SIAH3: variants seen among roughly 807,000 people sequenced by gnomAD.
SIAH3 encodes seven in absentia homolog 3.
A neutral mutation model predicts 12.6 loss-of-function variants in SIAH3; 9 were observed. The observed-to-expected ratio is 0.72, with a 90% CI of 0.43 to 1.25. The LOEUF is 1.25. Ranked by LOEUF, SIAH3 falls within the 50% of genes most tolerant of loss-of-function variation. The pLI is 0.00. For synonymous variants in SIAH3, 154 were observed against 151.1 expected, an observed-to-expected ratio of 1.02 and a Z score of -0.14; for missense variants, 390 against 365.4, an observed-to-expected ratio of 1.07 and a Z score of -0.55.
At chr13:45,825,149 A>C (rs909817676) in intron 1 of SIAH3, among the ~76,000 whole-genome samples, 1 of 152,070 alleles carries the variant, frequency 6.6e-6, no homozygotes, top group African/African-American at 2.4e-5. Flanking sequence ...ATATAATTGC[A>C]CCTCACACTT....
rs573184196 is a variant in SIAH3 at position 45,839,684 on chromosome 13, T to C, written c.135+11811A>G. On this transcript the variant is annotated intron_variant, in intron 1 of 1. Coordinates refer to ENST00000400405, the MANE Select transcript of SIAH3 (RefSeq NM_198849.3). ...CATCTCTACTAAAAATACAAAAAAT[T>C]AGCCGGGCGTGGTGGTACCTGCCTG... 9.2e-5 allele frequency among the ~76,000 whole-genome samples: 14 copies of C among 151,582 alleles called. No homozygotes were observed. The South Asian group carries it at 2.9e-3, about 32-fold the overall frequency.
At chr13:45,796,405 T>C (rs1950562845) in intron 1 of SIAH3, among the ~76,000 whole-genome samples, 2 of 152,140 alleles carry the variant, frequency 1.3e-5, no homozygotes, top group Admixed American at 1.3e-4. Context: ...ATTTGGCCTG[T>C]CTGTAGGTCT....
chr13:45,785,198 C>T (rs58369233), intron 1 of SIAH3, among the ~76,000 whole-genome samples: 2,227 of 152,222 alleles, frequency 0.015, 59 homozygotes, highest in African/African-American at 0.05. Context: ...CCTTCTTTTC[C>T]GTAATTAGCC....
At chr13:45,791,589 G>A (rs1343669485) in intron 1 of SIAH3, among the ~76,000 whole-genome samples, 1 of 152,128 alleles carries the variant, frequency 6.6e-6, no homozygotes, top group Non-Finnish European at 1.5e-5. Context: ...CAACAGTGAT[G>A]GAACACAGAA....
rs774095126 is a variant in SIAH3 at position 45,783,960 on chromosome 13, T to A, written c.233A>T (p.His78Leu). The A allele has an allele frequency of 1.2e-5, 19 of 1,603,544 alleles. No homozygotes were observed. The African/African-American group carries it at 1.9e-4, about 16-fold the overall frequency. ...LSHHHCHHRH[H>L]HHLRHHAHPH... ...GTGGGCGTGGTGGCGGAGGTGGTGG[T>A]GGTGGCGGTGGTGGCAGTGGTGGTG... is the stretch of plus-strand genomic sequence containing the variant. The change falls in exon 2 of 2, where the codon CAC (histidine) becomes CTC (leucine). Residue 78 changes from histidine to leucine, a missense_variant. His to Leu is a moderately conservative substitution (Grantham distance 99, BLOSUM62 -3). Transcript: ENST00000400405.
intron 1 of SIAH3, among the ~76,000 whole-genome samples, chr13:45,802,888 A>G (rs1379732663): frequency 3.9e-5 from 6 of 152,084 alleles, no homozygotes; most frequent in Non-Finnish European, 7.4e-5. Flanking sequence ...CCTGGCCAAC[A>G]TGGTGAAACC....
chr13:45,792,764 T>G (rs1163692767), intron 1 of SIAH3, among the ~76,000 whole-genome samples: 2 of 152,240 alleles, frequency 1.3e-5, no homozygotes, highest in Non-Finnish European at 2.9e-5. Flanking sequence ...GACCACCACG[T>G]GTACTTTTGC....
intron 1 of SIAH3, among the ~76,000 whole-genome samples, chr13:45,806,543 C>A (rs944693597): frequency 2.0e-5 from 3 of 151,988 alleles, no homozygotes; most frequent in Non-Finnish European, 4.4e-5. Flanking sequence ...AAAGATGGCA[C>A]CAATAGACAT....
At chr13:45,820,898 A>AC (rs1236964762) in intron 1 of SIAH3, among the ~76,000 whole-genome samples, 1 of 151,606 alleles carries the variant, frequency 6.6e-6, no homozygotes, top group Non-Finnish European at 1.5e-5. Context: ...CACGTAACAT[A>AC]CTCTCTTCCA....
Position 45,804,062 on chromosome 13 carries a change from C to T in SIAH3, c.136-20005G>A, listed in dbSNP as rs1950591103. On this transcript the variant is annotated intron_variant, in intron 1 of 1. Coordinates refer to ENST00000400405, the MANE Select transcript of SIAH3 (RefSeq NM_198849.3). ...AAGTAAACTGTGGCTGGAACTTTTACAAAAATAATTATTTTACATATATTT... is the reference window on the plus strand; with the variant it reads ...AAGTAAACTGTGGCTGGAACTTTTATAAAAATAATTATTTTACATATATTT... Among the ~76,000 whole-genome samples, 3 of 152,088 alleles carry T rather than the reference C, an allele frequency of 2.0e-5. No homozygotes were observed. In the South Asian group the frequency reaches 6.2e-4, roughly 32 times the overall value.
At chr13:45,791,178 GA>G (rs1950544610) in intron 1 of SIAH3, among the ~76,000 whole-genome samples, 1 of 151,044 alleles carries the variant, frequency 6.6e-6, no homozygotes, top group African/African-American at 2.4e-5. Context: ...AAAAAAAAAA[GA>G]AAAAAAGAAA....
At chr13:45,820,458 C>T (rs1462511699) in intron 1 of SIAH3, among the ~76,000 whole-genome samples, 2 of 152,126 alleles carry the variant, frequency 1.3e-5, no homozygotes, top group South Asian at 4.1e-4. Flanking sequence ...GTGACTGGAA[C>T]CTGGTCTTCC....
intron 1 of SIAH3, among the ~76,000 whole-genome samples, chr13:45,843,436 A>G (rs1252492608): frequency 6.6e-6 from 1 of 152,108 alleles, no homozygotes; most frequent in African/African-American, 2.4e-5. Context: ...TCTGCTAATG[A>G]AAAGAAGTAA....
intron 1 of SIAH3, among the ~76,000 whole-genome samples, chr13:45,814,625 C>T (rs1056678157): frequency 1.3e-5 from 2 of 152,166 alleles, no homozygotes; most frequent in Non-Finnish European, 1.5e-5. Context: ...TCCCCACAAC[C>T]CCACACTGCT....
At chr13:45,826,619 A>G (rs1950678627) in intron 1 of SIAH3, among the ~76,000 whole-genome samples, 1 of 152,248 alleles carries the variant, frequency 6.6e-6, no homozygotes, top group African/African-American at 2.4e-5. Flanking sequence ...TTCATGTTGC[A>G]GCCTTCATCA....
At chr13:45,798,366 T>G (rs1428707380) in intron 1 of SIAH3, among the ~76,000 whole-genome samples, 2 of 152,200 alleles carry the variant, frequency 1.3e-5, no homozygotes, top group East Asian at 3.8e-4. Context: ...AATTCATCAC[T>G]CACCATGTGC....
intron 1 of SIAH3, among the ~76,000 whole-genome samples, chr13:45,810,014 C>G (rs561652659): frequency 6.6e-6 from 1 of 152,300 alleles, no homozygotes; most frequent in East Asian, 1.9e-4. Flanking sequence ...GCTCCCTGGT[C>G]GAGCTAGTCC....
chr13:45,835,897 C>A (rs914878936), intron 1 of SIAH3, among the ~76,000 whole-genome samples: 8 of 152,226 alleles, frequency 5.3e-5, no homozygotes, highest in Non-Finnish European at 1.2e-4. Context: ...TTTCCCTGTT[C>A]TTCAGCCTCT....
chr13:45,814,161 C>T (rs1164626814), intron 1 of SIAH3, among the ~76,000 whole-genome samples: 1 of 149,778 alleles, frequency 6.7e-6, no homozygotes, highest in Non-Finnish European at 1.5e-5. Flanking sequence ...ATGGCGTGAA[C>T]CCGGGAGGCG....
Sources: allele counts gnomAD v4.1 joint callset (sites outside exome capture counted in the v4.1 genomes callset), GRCh38; gene constraint gnomAD v4.1.1; transcripts MANE v1.5; gene names NCBI Gene and HGNC (gene_info 2026-07-23, HGNC 2026-07-21).